Variants in FHIT observed in about 807,000 individuals in gnomAD.
The protein encoded by FHIT is bis(5'-adenosyl)-triphosphatase.
In FHIT, 19 loss-of-function variants were observed where a neutral mutation model predicts 17.9. The observed-to-expected ratio is 1.06, with a 90% CI of 0.74 to 1.56. FHIT has a LOEUF of 1.56. Among genes scored for constraint, FHIT ranks in the 40% most tolerant of loss-of-function variants. The probability of loss-of-function intolerance (pLI) is 0.00; values close to 1 mark genes in which losing one functional copy is unlikely to be tolerated. For synonymous variants in FHIT, 81 were observed against 69.7 expected, an observed-to-expected ratio of 1.16 and a Z score of -0.81; for missense variants, 248 against 189.2, an observed-to-expected ratio of 1.31 and a Z score of -1.82.
At chr3:60,204,598 G>A (rs954617810) in intron 5 of FHIT, among the ~76,000 whole-genome samples, 1 of 120,434 alleles carries the variant, frequency 8.3e-6, no homozygotes, top group African/African-American at 3.1e-5. Context: ...GCCTGAAAAG[G>A]TATTTTTAAG....
chr3:60,578,820 A>G (rs1553658605), intron 4 of FHIT, among the ~76,000 whole-genome samples: 1 of 152,170 alleles, frequency 6.6e-6, no homozygotes, highest in Non-Finnish European at 1.5e-5. Flanking sequence ...ATATGTGCCT[A>G]TATTTATATA....
chr3:60,079,771 T>C (rs1235727338), intron 5 of FHIT, among the ~76,000 whole-genome samples: 1 of 152,044 alleles, frequency 6.6e-6, no homozygotes, highest in Non-Finnish European at 1.5e-5. Context: ...TGCGCAACCA[T>C]AAACTTCAGT....
intron 3 of FHIT, among the ~76,000 whole-genome samples, chr3:60,919,290 T>A (rs567023627): frequency 2.8e-4 from 43 of 152,258 alleles, no homozygotes; most frequent in African/African-American, 9.6e-4. Flanking sequence ...AATATGGCAA[T>A]CTTCAATTCC....
Position 60,515,683 on chromosome 3 carries a change from TAAC to T in FHIT, c.103+21174_103+21176del, listed in dbSNP as rs1420844835. The stretch of plus-strand genomic sequence containing the variant: ...TATAATTCTCATAACAATAGAAACT[TAAC>T]AATAATGGAGCTTATATTTGAATGC... On this transcript the variant is annotated intron_variant, in intron 5 of 9. Coordinates refer to ENST00000492590, the MANE Select transcript of FHIT (RefSeq NM_002012.4). 4.7e-5 allele frequency among the ~76,000 whole-genome samples: 7 copies of T among 149,444 alleles called. No individual in the cohort carries two copies. In the East Asian group the frequency reaches 8.3e-4, roughly 18 times the overall value.
chr3:60,950,416 C>T (rs540448724), intron 3 of FHIT, among the ~76,000 whole-genome samples: 1 of 152,190 alleles, frequency 6.6e-6, no homozygotes, highest in African/African-American at 2.4e-5. Flanking sequence ...TCCAGCATTC[C>T]TTGCACTTGG....
chr3:60,314,878 G>T (rs1214301589), intron 5 of FHIT, among the ~76,000 whole-genome samples: 3 of 152,070 alleles, frequency 2.0e-5, no homozygotes, highest in Non-Finnish European at 4.4e-5. Flanking sequence ...CGAGTCCCAA[G>T]TTCAAGAATA....
intron 4 of FHIT, among the ~76,000 whole-genome samples, chr3:60,786,290 A>T (rs1174024663): frequency 2.6e-5 from 4 of 152,204 alleles, no homozygotes; most frequent in Non-Finnish European, 1.5e-5. Flanking sequence ...GAAACTAAGA[A>T]AAAAGGCCAT....
At chr3:60,291,980 T>G (rs2049846) in intron 5 of FHIT, among the ~76,000 whole-genome samples, 92,341 of 151,914 alleles carry the variant, frequency 0.61, 29,537 homozygotes, top group East Asian at 0.95. Context: ...AACTGTGAGA[T>G]GATAGATTCC....
chr3:59,891,259 C>T (rs889153420), intron 8 of FHIT, among the ~76,000 whole-genome samples: 8 of 152,148 alleles, frequency 5.3e-5, no homozygotes, highest in Non-Finnish European at 1.0e-4. Flanking sequence ...ATGAGGAAGG[C>T]GTGGCCTCTT....
intron 1 of FHIT, among the ~76,000 whole-genome samples, chr3:61,205,959 A>G (rs1421586326): frequency 4.8e-5 from 7 of 144,738 alleles, no homozygotes; most frequent in East Asian, 4.1e-4. Context: ...TAGGTCTAAC[A>G]TTTAAGTCTT....
chr3:59,856,468 A>T (rs1424035524), intron 8 of FHIT, among the ~76,000 whole-genome samples: 1 of 152,246 alleles, frequency 6.6e-6, no homozygotes, highest in African/African-American at 2.4e-5. Flanking sequence ...GTAAATCAGT[A>T]TAACCCTGTT....
At chr3:60,405,264 AT>A (rs1297857400) in intron 5 of FHIT, among the ~76,000 whole-genome samples, 1 of 152,096 alleles carries the variant, frequency 6.6e-6, no homozygotes, top group Non-Finnish European at 1.5e-5. Flanking sequence ...CCCTTTCCTA[AT>A]TGGTTTTCTA....
intron 4 of FHIT, among the ~76,000 whole-genome samples, chr3:60,564,584 T>A (rs1337139576): frequency 6.6e-6 from 1 of 152,140 alleles, no homozygotes; most frequent in Non-Finnish European, 1.5e-5. Flanking sequence ...GAACATAGTT[T>A]AGAAGAAGTT....
chr3:60,146,373 G>A (rs978751130), intron 5 of FHIT, among the ~76,000 whole-genome samples: 7 of 151,822 alleles, frequency 4.6e-5, no homozygotes, highest in African/African-American at 1.7e-4. Flanking sequence ...ATGCTGGGAT[G>A]AGCCATCCCC....
At chr3:60,530,397 T>C (rs2035732213) in intron 5 of FHIT, among the ~76,000 whole-genome samples, 1 of 152,168 alleles carries the variant, frequency 6.6e-6, no homozygotes, top group African/African-American at 2.4e-5. Flanking sequence ...CACACATTTT[T>C]CTTCATCCAA....
intron 2 of FHIT, among the ~76,000 whole-genome samples, chr3:61,046,713 C>T (rs992602487): frequency 1.3e-5 from 2 of 152,110 alleles, no homozygotes; most frequent in Non-Finnish European, 2.9e-5. Context: ...AGACCAATAC[C>T]CCTGATGAAC....
intron 5 of FHIT, among the ~76,000 whole-genome samples, chr3:60,101,639 T>C (rs1473505729): frequency 1.3e-5 from 2 of 152,244 alleles, no homozygotes; most frequent in Admixed American, 6.5e-5. Flanking sequence ...TGTAATTCCA[T>C]GAGGGCACAG....
intron 4 of FHIT, among the ~76,000 whole-genome samples, chr3:60,574,504 G>T (rs1039612207): frequency 1.3e-5 from 2 of 151,890 alleles, no homozygotes; most frequent in Admixed American, 6.6e-5. Flanking sequence ...GAGCTTAGAC[G>T]AGCCTTCAGC....
chr3:61,198,946 G>A (rs2038935972), intron 2 of FHIT, among the ~76,000 whole-genome samples: 2 of 151,912 alleles, frequency 1.3e-5, no homozygotes, highest in South Asian at 4.2e-4. Flanking sequence ...ATATTAATAA[G>A]AGCAGTGGCA....
Sources: gnomAD v4.1 joint callset for allele counts (sites outside exome capture counted in the v4.1 genomes callset) on GRCh38, gnomAD v4.1.1 for gene constraint, MANE v1.5 for transcripts, NCBI Gene and HGNC (gene_info 2026-07-23, HGNC 2026-07-21) for gene names.